The following FTO variants were observed in gnomAD, a reference collection of about 807,000 sequenced individuals.
The protein encoded by FTO is alpha-ketoglutarate-dependent dioxygenase FTO.
In FTO, 47 loss-of-function variants were observed where a neutral mutation model predicts 63.9. The observed-to-expected ratio is 0.74, with a 90% confidence interval of 0.58 to 0.94. The LOEUF (loss-of-function observed/expected upper bound fraction) is 0.94, where lower values mean the gene tolerates loss of function less well. Among genes scored for constraint, FTO ranks in the 40% least tolerant of loss-of-function variants. The pLI, the probability that FTO is intolerant of heterozygous loss-of-function variation, is 0.00. For missense variants in FTO, 562 were observed against 618.1 expected (o/e 0.91, Z 0.96); for synonymous variants, 207 against 224.4 (o/e 0.92, Z 0.69).
intron 7 of FTO, among the ~76,000 whole-genome samples, chr16:53,914,104 T>G (rs1485405076): frequency 6.6e-6 from 1 of 152,146 alleles, no homozygotes; most frequent in Non-Finnish European, 1.5e-5. Context: ...GACTCTCTTA[T>G]TTGTGGAAGA....
intron 4 of FTO, among the ~76,000 whole-genome samples, chr16:53,854,082 G>A (rs7195886): frequency 1.0e-3 from 153 of 152,180 alleles, no homozygotes; most frequent in African/African-American, 3.6e-3. Context: ...GTGATATTGA[G>A]CATTTTTTCA....
chr16:53,958,889 G>A (rs1049560423), intron 8 of FTO, among the ~76,000 whole-genome samples: 1 of 152,184 alleles, frequency 6.6e-6, no homozygotes, highest in African/African-American at 2.4e-5. Flanking sequence ...GCAGCTGATG[G>A]GGGTGAATAA....
At chr16:53,820,581 A>G (rs2078833135) in intron 2 of FTO, among the ~76,000 whole-genome samples, 1 of 151,070 alleles carries the variant, frequency 6.6e-6, no homozygotes, top group East Asian at 1.9e-4. Context: ...TGCACCCACT[A>G]ACTCATCATC....
At chr16:54,056,384 A>G (rs111394004) in intron 8 of FTO, among the ~76,000 whole-genome samples, 11 of 152,310 alleles carry the variant, frequency 7.2e-5, no homozygotes, top group African/African-American at 2.4e-4. Flanking sequence ...AGGGCACCCA[A>G]TAAACGTTGG....
At chr16:53,985,262 G>T (rs1375646076) in intron 8 of FTO, among the ~76,000 whole-genome samples, 2 of 152,214 alleles carry the variant, frequency 1.3e-5, no homozygotes, top group African/African-American at 4.8e-5. Context: ...GACACCCTTT[G>T]TAGAAAGTGA....
chr16:53,901,126 A>G lies in FTO; in HGVS notation c.1239+12175A>G, dbSNP rs1598945012. On this transcript the variant is annotated intron_variant, in intron 7 of 8. Transcript: ENST00000471389. ...AAATTCAGTTATTTGCACTACTTTC[A>G]AGACCTGTCTGCTTTGTGAGTACAG... Among the ~76,000 whole-genome samples the G allele has an allele frequency of 2.0e-5, 3 of 152,364 alleles. No homozygotes were observed. The Middle Eastern group carries it at 0.01, about 518-fold the overall frequency.
chr16:53,920,115 T>C (rs2151953724), intron 7 of FTO, among the ~76,000 whole-genome samples: 1 of 152,330 alleles, frequency 6.6e-6, no homozygotes, highest in Non-Finnish European at 1.5e-5. Flanking sequence ...TAAATCTCAG[T>C]AGCAAAATTC....
chr16:53,926,803 G>T (rs2082149130), intron 7 of FTO, among the ~76,000 whole-genome samples: 1 of 151,978 alleles, frequency 6.6e-6, no homozygotes. Context: ...AAGTAAGCAG[G>T]ACCTGTATCA....
At position 53,811,663 on chromosome 16, in the gene FTO, G is replaced by A. The variant is rs146563001; in HGVS notation, c.123+1446G>A. Among the ~76,000 whole-genome samples the A allele has an allele frequency of 5.7e-4, 86 of 152,152 alleles. 1 individual carries two copies. The East Asian group carries it at 0.015, about 27-fold the overall frequency. ...GCTTCAAATCCCACATCATTGACTG[G>A]CTCCTACATTTTCAGCCTCATCTCC... On this transcript the variant is annotated intron_variant, in intron 2 of 8. Coordinates refer to ENST00000471389, the MANE Select transcript of FTO (RefSeq NM_001080432.3).
At chr16:53,731,349 G>A (rs2076265947) in intron 1 of FTO, among the ~76,000 whole-genome samples, 1 of 152,138 alleles carries the variant, frequency 6.6e-6, no homozygotes, top group Non-Finnish European at 1.5e-5. Context: ...GAACAGCTTA[G>A]CTTCTGTTGA....
intron 1 of FTO, among the ~76,000 whole-genome samples, chr16:53,747,074 A>G (rs1057229050): frequency 3.3e-5 from 5 of 152,316 alleles, no homozygotes; most frequent in African/African-American, 1.2e-4. Context: ...CGGGCTGTGT[A>G]TATATGTCAC....
intron 8 of FTO, among the ~76,000 whole-genome samples, chr16:54,104,382 G>A (rs1177586552): frequency 6.7e-6 from 1 of 149,448 alleles, no homozygotes; most frequent in Non-Finnish European, 1.5e-5. Flanking sequence ...GTTCGATCTC[G>A]GCTCGCTGCA....
chr16:53,957,604 T>C (rs748654220), intron 8 of FTO, among the ~76,000 whole-genome samples: 1 of 152,256 alleles, frequency 6.6e-6, no homozygotes, highest in Non-Finnish European at 1.5e-5. Context: ...GTTATTTTCA[T>C]ACCACTCTAA....
At position 53,934,067 on chromosome 16, in the gene FTO, C is replaced by T. The variant is rs558995583; in HGVS notation, c.1322C>T (p.Ser441Leu). 8.1e-6 allele frequency: 13 copies of T among 1,614,148 alleles called. No individual in the cohort carries two copies. Among genetic ancestry groups the T allele is most frequent in the Middle Eastern group, 3.3e-4 (2 of 6,058 alleles). The change falls in exon 8 of 9, where the codon TCG becomes TTG. Residue 441 changes from serine to leucine, a missense_variant. Ser to Leu is a moderately radical substitution (Grantham distance 145, BLOSUM62 -2). Transcript: ENST00000471389. ...RNEILTAILA[S>L]LTARQNLRRE... The stretch of plus-strand genomic sequence containing the variant: ...GAAATCTTGACTGCCATCCTTGCCT[C>T]GCTCACTGCACGCCAGAACCTGAGG...
chr16:53,797,711 A>T (rs997574351), intron 1 of FTO, among the ~76,000 whole-genome samples: 1 of 152,082 alleles, frequency 6.6e-6, no homozygotes, highest in African/African-American at 2.4e-5. Context: ...TAATATATAT[A>T]TTTTTATGAA....
chr16:53,820,553 T>G (rs938959750), intron 2 of FTO, among the ~76,000 whole-genome samples: 1 of 151,848 alleles, frequency 6.6e-6, no homozygotes, highest in Non-Finnish European at 1.5e-5. Flanking sequence ...TATGTATACA[T>G]GTGCCATGCT....
intron 1 of FTO, among the ~76,000 whole-genome samples, chr16:53,780,061 A>G (rs1277723352): frequency 6.6e-6 from 1 of 152,188 alleles, no homozygotes; most frequent in Non-Finnish European, 1.5e-5. Context: ...ATATCAAGTG[A>G]TGTCACCTCA....
At chr16:53,841,911 C>G (rs1432658850) in intron 3 of FTO, among the ~76,000 whole-genome samples, 2 of 152,204 alleles carry the variant, frequency 1.3e-5, no homozygotes, top group Non-Finnish European at 2.9e-5. Context: ...GAGTTCTGCT[C>G]TAGTTCTGTC....
intron 1 of FTO, among the ~76,000 whole-genome samples, chr16:53,762,073 A>C (rs2077085581): frequency 6.6e-6 from 1 of 152,194 alleles, no homozygotes; most frequent in Non-Finnish European, 1.5e-5. Context: ...ATTTAGAAAG[A>C]GAAGGAATGG....
Sources: gnomAD v4.1 joint callset for allele counts (sites outside exome capture counted in the v4.1 genomes callset) on GRCh38, gnomAD v4.1.1 for gene constraint, MANE v1.5 for transcripts, NCBI Gene and HGNC (gene_info 2026-07-23, HGNC 2026-07-21) for gene names.